The following GSTA5 variants were observed in gnomAD, a reference collection of about 807,000 sequenced individuals.
GSTA5 encodes the protein glutathione S-transferase alpha 5.
In GSTA5, 25 loss-of-function variants were observed where a neutral mutation model predicts 21.8. The ratio of observed to expected loss-of-function variants is 1.14; its 90% confidence interval spans 0.83 to 1.60. The LOEUF is 1.60. GSTA5 is among the 40% of genes most tolerant of loss of function. The pLI is 0.00. For missense variants in GSTA5, 330 were observed against 259.2 expected, an observed-to-expected ratio of 1.27 and a Z score of -1.88; for synonymous variants, 102 against 89.5, an observed-to-expected ratio of 1.14 and a Z score of -0.78.
upstream of GSTA5, among the ~76,000 whole-genome samples, chr6:52,845,388 G>C (rs771949345): frequency 1.3e-5 from 2 of 152,194 alleles, no homozygotes; most frequent in Non-Finnish European, 2.9e-5. Flanking sequence ...CTACAAATCA[G>C]ATAGGTAAAG....
intron 5 of GSTA5, 108 bp from the exon 6 acceptor site, chr6:52,832,078 C>G: frequency 1.4e-6 from 2 of 1,456,584 alleles, no homozygotes; most frequent in Non-Finnish European, 1.8e-6. Flanking sequence ...CGAGTCCCCT[C>G]CATGAGTACC....
chr6:52,837,632 G>C (rs375424772), intron 1 of GSTA5, 23 bp from the exon 2 acceptor site: 4 of 1,566,622 alleles, frequency 2.6e-6, no homozygotes, highest in East Asian at 4.5e-5. Flanking sequence ...ACAGTAAATG[G>C]GTTCTTCTTA....
chr6:52,832,107 G>C, intron 5 of GSTA5, 137 bp from the exon 6 acceptor site: 1 of 1,187,518 alleles, frequency 8.4e-7, no homozygotes. Flanking sequence ...GGCAGAAACA[G>C]ACACCCAGTG....
intron 5 of GSTA5, 99 bp from the exon 6 acceptor site, chr6:52,832,069 G>A (rs190096923): frequency 1.0e-5 from 15 of 1,502,710 alleles, no homozygotes; most frequent in Middle Eastern, 2.4e-4. Flanking sequence ...AAGACCAAGC[G>A]AGTCCCCTCC....
At chr6:52,844,826 C>T (rs1379274998), upstream of GSTA5, among the ~76,000 whole-genome samples, 2 of 152,200 alleles carry the variant, frequency 1.3e-5, no homozygotes, top group Admixed American at 6.5e-5. Context: ...TCTCTGGACA[C>T]ATTGAGTAGC....
upstream of GSTA5, among the ~76,000 whole-genome samples, chr6:52,845,781 G>C (rs924134308): frequency 1.3e-5 from 2 of 152,072 alleles, no homozygotes; most frequent in Non-Finnish European, 2.9e-5. Context: ...TGTTTAAAAT[G>C]CTACCATTTC....
chr6:52,842,531 A>G (rs1340910295), upstream of GSTA5, among the ~76,000 whole-genome samples: 3 of 149,684 alleles, frequency 2.0e-5, no homozygotes, highest in African/African-American at 7.4e-5. Context: ...TCAGCCTCCC[A>G]AGTAGCTTGG....
chr6:52,833,898 A>G (rs549990690), intron 4 of GSTA5, among the ~76,000 whole-genome samples: 3 of 152,326 alleles, frequency 2.0e-5, no homozygotes, highest in South Asian at 4.1e-4. Context: ...ATTTTGTTGA[A>G]CAGAGAATTT....
chr6:52,836,826 T>G (rs555121593), intron 2 of GSTA5, among the ~76,000 whole-genome samples: 5 of 152,376 alleles, frequency 3.3e-5, no homozygotes, highest in Admixed American at 3.3e-4. Flanking sequence ...CAACATTTTT[T>G]AAAAGTTTCC....
intron 1 of GSTA5, 137 bp downstream of exon 1, chr6:52,840,590 C>T: frequency 1.3e-6 from 1 of 796,760 alleles, no homozygotes; most frequent in South Asian, 1.7e-5. Flanking sequence ...CAAATCTATT[C>T]ATCTTTTTCT....
intron 3 of GSTA5, among the ~76,000 whole-genome samples, chr6:52,835,394 A>G (rs1764276876): frequency 6.6e-6 from 1 of 151,996 alleles, no homozygotes. Context: ...TGGCTAAGGC[A>G]TTTTTTCTCC....
intron 2 of GSTA5, among the ~76,000 whole-genome samples, chr6:52,837,115 CA>C (rs1764303824): frequency 6.6e-6 from 1 of 152,170 alleles, no homozygotes; most frequent in Non-Finnish European, 1.5e-5. Flanking sequence ...TTCTGCTCTT[CA>C]AAGCCTGCAA....
chr6:52,837,883 A>C (rs1400782541), intron 1 of GSTA5, among the ~76,000 whole-genome samples: 2 of 152,238 alleles, frequency 1.3e-5, no homozygotes, highest in Admixed American at 1.3e-4. Flanking sequence ...GAGAGGGGAC[A>C]TCACTGGAAA....
intron 3 of GSTA5, among the ~76,000 whole-genome samples, chr6:52,834,862 AC>A (rs1265508604): frequency 6.6e-6 from 1 of 152,036 alleles, no homozygotes; most frequent in African/African-American, 2.4e-5. Flanking sequence ...CTGTTGCCTA[AC>A]TCTAGCCATG....
At chr6:52,834,211 T>A in exon 4 of GSTA5, 1 of 1,614,096 alleles carries the variant, frequency 6.2e-7, no homozygotes, top group Non-Finnish European at 8.5e-7. Flanking sequence ...ATCTCTTTCC[T>A]CTGGTTGACA....
chr6:52,842,562 C>T (rs1764393756), upstream of GSTA5, among the ~76,000 whole-genome samples: 1 of 151,982 alleles, frequency 6.6e-6, no homozygotes, highest in South Asian at 2.1e-4. Flanking sequence ...CATGCCACCA[C>T]ACCTGGCTAA....
chr6:52,834,662 G>A (rs892971796), intron 3 of GSTA5, among the ~76,000 whole-genome samples: 12 of 152,150 alleles, frequency 7.9e-5, no homozygotes, highest in African/African-American at 2.9e-4. Context: ...TTCTGTGCAT[G>A]AACTTAGTGT....
At chr6:52,832,886 A>G in exon 5 of GSTA5, 1 of 1,613,896 alleles carries the variant, frequency 6.2e-7, no homozygotes, top group Non-Finnish European at 8.5e-7. Flanking sequence ...TGGAGATAAG[A>G]CTCGAGTCAA....
upstream of GSTA5, among the ~76,000 whole-genome samples, chr6:52,842,897 C>T (rs1764400770): frequency 6.6e-6 from 1 of 152,108 alleles, no homozygotes; most frequent in African/African-American, 2.4e-5. Context: ...GCTATCCCTT[C>T]CCTAGGCCCC....
Sources: gnomAD v4.1 joint callset for allele counts (sites outside exome capture counted in the v4.1 genomes callset) on GRCh38, gnomAD v4.1.1 for gene constraint, MANE v1.5 for transcripts, NCBI Gene and HGNC (gene_info 2026-07-23, HGNC 2026-07-21) for gene names.